The following KIRREL3 variants were observed in gnomAD, a reference collection of about 807,000 sequenced individuals.
KIRREL3 encodes the protein kirre like nephrin family adhesion molecule 3, also known as kin of IRRE-like protein 3.
In KIRREL3, 36 loss-of-function variants were observed where a neutral mutation model predicts 89.7. The ratio of observed to expected loss-of-function variants is 0.40; its 90% CI spans 0.31 to 0.53. KIRREL3 has a LOEUF of 0.53. Among genes scored for constraint, KIRREL3 ranks in the 20% least tolerant of loss-of-function variants. The probability of loss-of-function intolerance (pLI) is 0.49; values close to 1 mark genes in which losing one functional copy is unlikely to be tolerated. For synonymous variants in KIRREL3, 445 were observed against 441.4 expected, an observed-to-expected ratio of 1.01 and a Z score of -0.10; for missense variants, 864 against 1,056.6, an observed-to-expected ratio of 0.82 and a Z score of 2.53.
At chr11:126,937,618 T>C (rs1026115907) in intron 1 of KIRREL3, among the ~76,000 whole-genome samples, 1 of 152,118 alleles carries the variant, frequency 6.6e-6, no homozygotes, top group Non-Finnish European at 1.5e-5. Flanking sequence ...AAACAGCAGT[T>C]GGCCGGGCGT....
At chr11:126,465,203 A>G (rs1451071126) in intron 5 of KIRREL3, among the ~76,000 whole-genome samples, 1 of 152,136 alleles carries the variant, frequency 6.6e-6, no homozygotes, top group East Asian at 1.9e-4. Context: ...GGAGCCAGGG[A>G]GTAGATGAAC....
rs568279675 is a variant in KIRREL3 at position 126,652,002 on chromosome 11, G to C, written c.56-89090C>G. On this transcript the variant is annotated intron_variant, in intron 1 of 16. Transcript: ENST00000525144. The surrounding 1 kb of genome is among the most constrained non-coding windows in gnomAD (Gnocchi z 4.9). Reference sequence around the variant, plus strand: ...GTAGGGTAAGTCATTATGCCAATGGGAGAATGAGGCAAAAAGCGGAGTTCA... The same window carrying C: ...GTAGGGTAAGTCATTATGCCAATGGCAGAATGAGGCAAAAAGCGGAGTTCA... Among the ~76,000 whole-genome samples the C allele has an allele frequency of 6.6e-6, 1 of 152,298 alleles. No individual in the cohort carries two copies. Among genetic ancestry groups the C allele is most frequent in the South Asian group, 2.1e-4 (1 of 4,822 alleles).
At chr11:126,552,807 C>A (rs994014017) in intron 2 of KIRREL3, among the ~76,000 whole-genome samples, 1 of 152,032 alleles carries the variant, frequency 6.6e-6, no homozygotes, top group African/African-American at 2.4e-5. Flanking sequence ...AGGTGATCCA[C>A]CCGCCTCAGC....
intron 1 of KIRREL3, among the ~76,000 whole-genome samples, chr11:126,809,554 T>C (rs1181321172): frequency 2.0e-5 from 3 of 152,244 alleles, no homozygotes; most frequent in Admixed American, 1.3e-4. Flanking sequence ...ACAAATTAAA[T>C]ATTCTCATTC....
chr11:126,901,897 C>G (rs1592316278), intron 1 of KIRREL3, among the ~76,000 whole-genome samples: 1 of 152,190 alleles, frequency 6.6e-6, no homozygotes, highest in Admixed American at 6.5e-5. Context: ...TAATGCCATC[C>G]TAGAGTTCGC....
chr11:126,518,212 G>A (rs74764338), intron 4 of KIRREL3, among the ~76,000 whole-genome samples: 24,669 of 152,216 alleles, frequency 0.16, 2,168 homozygotes, highest in Middle Eastern at 0.18. Flanking sequence ...TAATTAATGT[G>A]TCTGTGACTC....
At position 126,724,433 on chromosome 11, in the gene KIRREL3, G is replaced by A. The variant is rs1188021729; in HGVS notation, c.56-161521C>T. On this transcript the variant is annotated intron_variant, in intron 1 of 16. Coordinates refer to ENST00000525144, the MANE Select transcript of KIRREL3 (RefSeq NM_032531.4). The surrounding 1 kb of genome is among the most constrained non-coding windows in gnomAD (Gnocchi z 4.3). ...TATGGACAAGATGCAGAGTGAGTGA[G>A]CCAGCAGATGGACACCCTGGAGGTT... Among the ~76,000 whole-genome samples the A allele has an allele frequency of 6.6e-6, 1 of 152,174 alleles. No individual in the cohort carries two copies. The highest frequency in any genetic ancestry group is 2.4e-5 in the African/African-American group (1 of 41,442).
chr11:126,901,646 C>G (rs367967046), intron 1 of KIRREL3, among the ~76,000 whole-genome samples: 2 of 152,320 alleles, frequency 1.3e-5, no homozygotes, highest in South Asian at 2.1e-4. Context: ...TAAGTCACAA[C>G]TTGGATGTCT....
chr11:126,478,253 G>A (rs1315626862), intron 4 of KIRREL3, among the ~76,000 whole-genome samples: 1 of 152,198 alleles, frequency 6.6e-6, no homozygotes, highest in Non-Finnish European at 1.5e-5. Flanking sequence ...GCCCTTCAGT[G>A]ACTCTCCACT....
Position 126,498,148 on chromosome 11 carries a change from T to C in KIRREL3, c.433+23167A>G, listed in dbSNP as rs1299499198. 2.0e-5 allele frequency among the ~76,000 whole-genome samples: 3 copies of C among 152,154 alleles called. No individual in the cohort carries two copies. The highest frequency in any genetic ancestry group is 4.1e-4 in the South Asian group (2 of 4,832). On this transcript the variant is annotated intron_variant, in intron 4 of 16. Coordinates refer to ENST00000525144, the MANE Select transcript of KIRREL3 (RefSeq NM_032531.4). This position sits in a 1 kb window ranked among gnomAD's most constrained non-coding sequence, Gnocchi z 4.3. ...ATCACACTGGTCTGGACCAAGCTGA[T>C]TGAGTGAAAGGGGGCAGAGTTGGGG...
At chr11:126,560,290 C>A (rs1370173633) in intron 2 of KIRREL3, among the ~76,000 whole-genome samples, 1 of 152,196 alleles carries the variant, frequency 6.6e-6, no homozygotes, top group African/African-American at 2.4e-5. Flanking sequence ...CGCACACACA[C>A]ACATACACTC....
intron 8 of KIRREL3, 129 bp downstream of exon 8, chr11:126,448,880 A>C (rs1182864440): frequency 1.0e-6 from 1 of 981,678 alleles, no homozygotes; most frequent in Non-Finnish European, 1.4e-6. Context: ...CGTCGAGTGC[A>C]AACCATCCTA....
rs186093482 is a variant in KIRREL3, at chr11:126,715,533, T to G, written c.56-152621A>C. Among the ~76,000 whole-genome samples the G allele has an allele frequency of 2.5e-3, 373 of 152,242 alleles. 2 individuals carry two copies. Among genetic ancestry groups the G allele is most frequent in the African/African-American group, 8.7e-3 (363 of 41,532 alleles). ...TGGCTCCAAATGAAGATGAAAAAGCTTTTACAGTGACAGGGAAGAAATATT... is the reference window on the plus strand; with the variant it reads ...TGGCTCCAAATGAAGATGAAAAAGCGTTTACAGTGACAGGGAAGAAATATT... On this transcript the variant is annotated intron_variant, in intron 1 of 16. Transcript: ENST00000525144. This position sits in a 1 kb window ranked among gnomAD's most constrained non-coding sequence, Gnocchi z 4.4.
rs111678176 is a variant in KIRREL3, at chr11:126,790,167, T to G, written c.55+210288A>C. ...GAGTGGTCCTCCCATGACCTACAGATTTGTTCACTTGTTTCTTGTCCTCTT... is the reference window on the plus strand; with the variant it reads ...GAGTGGTCCTCCCATGACCTACAGAGTTGTTCACTTGTTTCTTGTCCTCTT... On this transcript the variant is annotated intron_variant, in intron 1 of 16. Transcript: ENST00000525144. Among the ~76,000 whole-genome samples the G allele has an allele frequency of 9.7e-4, 148 of 152,350 alleles. 1 individual carries two copies. The highest frequency in any genetic ancestry group is 3.1e-3 in the African/African-American group (128 of 41,592).
chr11:126,882,786 G>A (rs1263218954), intron 1 of KIRREL3, among the ~76,000 whole-genome samples: 1 of 152,134 alleles, frequency 6.6e-6, no homozygotes, highest in African/African-American at 2.4e-5. Context: ...ACTGACTAAT[G>A]GTGCATTTTG....
At chr11:126,923,261 C>A (rs1947524458) in intron 1 of KIRREL3, among the ~76,000 whole-genome samples, 1 of 97,516 alleles carries the variant, frequency 1.0e-5, no homozygotes, top group African/African-American at 4.6e-5. Flanking sequence ...TCTTCTTCTT[C>A]TTCTTCTCCT....
At position 126,522,651 on chromosome 11, in the gene KIRREL3, G is replaced by C. The variant is rs1475855897; in HGVS notation, c.284-1187C>G. Among the ~76,000 whole-genome samples the C allele has an allele frequency of 2.0e-5, 3 of 152,224 alleles. No homozygotes were observed. The highest frequency in any genetic ancestry group is 7.2e-5 in the African/African-American group (3 of 41,464). On this transcript the variant is annotated intron_variant, in intron 3 of 16. Coordinates refer to ENST00000525144, the MANE Select transcript of KIRREL3 (RefSeq NM_032531.4). The surrounding 1 kb of genome is among the most constrained non-coding windows in gnomAD (Gnocchi z 6.0). ...ACTGAAGTTGTGGCTGGCCACCTTA[G>C]GCAGATCCTCTCTTTCCTGGGTCTC...
intron 1 of KIRREL3, chr11:126,935,064 A>AG (rs990998040): frequency 1.3e-5 from 2 of 151,820 alleles, no homozygotes; most frequent in Non-Finnish European, 2.9e-5. Flanking sequence ...AAAAAAAAAA[A>AG]AAAAAGAGCA....
intron 1 of KIRREL3, among the ~76,000 whole-genome samples, chr11:126,939,993 C>T (rs1421167343): frequency 2.0e-5 from 3 of 152,122 alleles, no homozygotes; most frequent in South Asian, 4.2e-4. Context: ...TTTTCACCAC[C>T]TCCTCTATCC....
Sources: gnomAD v4.1 joint callset for allele counts (sites outside exome capture counted in the v4.1 genomes callset) on GRCh38, gnomAD v4.1.1 for gene constraint, Gnocchi (gnomAD v3.1) non-coding constraint, MANE v1.5 for transcripts, NCBI Gene and HGNC (gene_info 2026-07-23, HGNC 2026-07-21) for gene names.